The following SEPTIN10 variants were observed in gnomAD, a reference collection of about 807,000 sequenced individuals.
SEPTIN10 encodes septin 10.
In SEPTIN10, 66 loss-of-function variants were observed where a neutral mutation model predicts 54.8. That is an observed-to-expected ratio of 1.21 (90% CI 0.99 to 1.48). The LOEUF (loss-of-function observed/expected upper bound fraction) is 1.48. Among genes scored for constraint, SEPTIN10 ranks in the 40% most tolerant of loss-of-function variants. The pLI is 0.00. For missense variants in SEPTIN10, 620 were observed against 545.6 expected (o/e 1.14, Z -1.36); for synonymous variants, 161 against 181.0 (o/e 0.89, Z 0.89).
At position 109,543,779 on chromosome 2, in the gene SEPTIN10, A is replaced by AAT; in HGVS notation, c.*528_*529dup. On this transcript the variant is annotated 3_prime_UTR_variant, in exon 11 of 11. Transcript: ENST00000397712. ...AACTTAAACATTTCTAACAACAGTG[A>AAT]ATATATATGAATATATAGGTACAAG... 1 of 178,222 alleles carries AAT rather than the reference A, an allele frequency of 5.6e-6. No individual in the cohort carries two copies. Among genetic ancestry groups the AAT allele is most frequent in the Non-Finnish European group, 1.2e-5 (1 of 85,426 alleles). 11.0% of individuals were successfully genotyped at this position (178,222 alleles called of 1,614,324 possible). A position where few individuals can be genotyped will look rare whatever the true frequency, so the allele number is the denominator to read the frequency against.
At chr2:109,563,833 T>G (rs546191081) in intron 8 of SEPTIN10, among the ~76,000 whole-genome samples, 11 of 152,284 alleles carry the variant, frequency 7.2e-5, no homozygotes, top group African/African-American at 2.6e-4. Context: ...TTTAAATGAT[T>G]CCTGAGGACT....
chr2:109,564,625 C>G, intron 7 of SEPTIN10, 91 bp from the exon 8 acceptor site: 1 of 1,118,630 alleles, frequency 8.9e-7, no homozygotes, highest in East Asian at 2.7e-5. Context: ...TAAATGAAAA[C>G]ATGTGAAACA....
intron 5 of SEPTIN10, 32 bp from the exon 6 acceptor site, chr2:109,568,008 TG>T: frequency 6.6e-7 from 1 of 1,515,026 alleles, no homozygotes; most frequent in Admixed American, 2.1e-5. Context: ...AAAATCTTAC[TG>T]AGGATTTTTT....
rs1558788905 is a variant in SEPTIN10 at position 109,574,625 on chromosome 2, G to C, written c.556C>G (p.Leu186Val). The C allele has an allele frequency of 6.2e-7, 1 of 1,604,946 alleles. No homozygotes were observed. The highest frequency in any genetic ancestry group is 8.5e-7 in the Non-Finnish European group (1 of 1,175,852). ...ATGGTTAAGAGATCAAGTGTCTTCA[G>C]AGAGTGGCCTGTCGGTGAAATGAAG... Reference protein sequence around the residue: ...LYFISPTGHSLKTLDLLTMKN... With the variant: ...LYFISPTGHSVKTLDLLTMKN... Residue 186 changes from leucine to valine, a missense_variant, in exon 5 of 11, where the codon CTG becomes GTG. Leu to Val is a conservative substitution (Grantham distance 32). Transcript: ENST00000397712.
At chr2:109,572,609 CTTTTTTTTTT>C (rs60520770) in intron 5 of SEPTIN10, among the ~76,000 whole-genome samples, 1 of 111,222 alleles carries the variant, frequency 9.0e-6, no homozygotes, top group Non-Finnish European at 1.7e-5. Context: ...TTTAAAACAA[CTTTTTTTTTT>C]TTTTTTTTTT....
intron 1 of SEPTIN10, 109 bp downstream of exon 1, chr2:109,613,680 CCGGAGGGGG>C: frequency 3.0e-6 from 2 of 674,484 alleles, no homozygotes; most frequent in Non-Finnish European, 4.1e-6. Flanking sequence ...GCGGGCGGGG[CCGGAGGGGG>C]CGCGGGTCAC....
chr2:109,576,761 TA>T (rs1234417585), intron 4 of SEPTIN10, among the ~76,000 whole-genome samples: 1 of 152,160 alleles, frequency 6.6e-6, no homozygotes, highest in Non-Finnish European at 1.5e-5. Flanking sequence ...GCTAAATAAA[TA>T]ATATGCCATT....
At chr2:109,580,031 G>C (rs1442509573) in intron 4 of SEPTIN10, among the ~76,000 whole-genome samples, 2 of 151,962 alleles carry the variant, frequency 1.3e-5, no homozygotes, top group Non-Finnish European at 2.9e-5. Context: ...TGAGGCAGGA[G>C]AATCGTCTGA....
chr2:109,610,703 G>A (rs1699071318), intron 1 of SEPTIN10, among the ~76,000 whole-genome samples: 1 of 151,972 alleles, frequency 6.6e-6, no homozygotes, highest in Non-Finnish European at 1.5e-5. Flanking sequence ...GTGACAAAGC[G>A]ACATTCCGTC....
chr2:109,556,823 T>C (rs1684480597), intron 8 of SEPTIN10, among the ~76,000 whole-genome samples: 1 of 152,180 alleles, frequency 6.6e-6, no homozygotes, highest in African/African-American at 2.4e-5. Flanking sequence ...ATATACACTG[T>C]GGAATGCTAT....
intron 2 of SEPTIN10, among the ~76,000 whole-genome samples, chr2:109,589,166 G>A (rs779206935): frequency 6.6e-6 from 1 of 151,796 alleles, no homozygotes; most frequent in African/African-American, 2.4e-5. Context: ...TTTTTGAGAT[G>A]GAGTCTCACT....
At chr2:109,555,451 G>A (rs1362776302) in intron 8 of SEPTIN10, among the ~76,000 whole-genome samples, 2 of 152,112 alleles carry the variant, frequency 1.3e-5, no homozygotes, top group Non-Finnish European at 2.9e-5. Context: ...AACTTCTTCT[G>A]TAAAGTCTCC....
intron 4 of SEPTIN10, among the ~76,000 whole-genome samples, chr2:109,582,951 G>T (rs1691577596): frequency 6.6e-6 from 1 of 152,138 alleles, no homozygotes; most frequent in Non-Finnish European, 1.5e-5. Flanking sequence ...TCAATAAATG[G>T]TGCTAGGATA....
intron 6 of SEPTIN10, among the ~76,000 whole-genome samples, chr2:109,567,270 C>T (rs1229357822): frequency 6.6e-6 from 1 of 152,124 alleles, no homozygotes; most frequent in African/African-American, 2.4e-5. Context: ...GATTTCAAAA[C>T]CCATGATCCT....
At chr2:109,585,093 A>C in intron 4 of SEPTIN10, 33 bp downstream of exon 4, 7 of 1,411,312 alleles carry the variant, frequency 5.0e-6, no homozygotes, top group Non-Finnish European at 6.7e-6. Flanking sequence ...GAAATAAGAA[A>C]AACTTGTTTT....
At chr2:109,578,619 T>A (rs1185254081) in intron 4 of SEPTIN10, among the ~76,000 whole-genome samples, 1 of 151,912 alleles carries the variant, frequency 6.6e-6, no homozygotes, top group African/African-American at 2.4e-5. Flanking sequence ...ATACAAAAAT[T>A]AGCTCGGAGT....
At chr2:109,574,843 G>C in intron 4 of SEPTIN10, 76 bp from the exon 5 acceptor site, 2 of 1,061,252 alleles carry the variant, frequency 1.9e-6, no homozygotes, top group East Asian at 2.7e-5. Flanking sequence ...TTAGAAGTTT[G>C]AGGTCTATAT....
chr2:109,567,241 T>C (rs1687247067), intron 6 of SEPTIN10, among the ~76,000 whole-genome samples: 1 of 152,160 alleles, frequency 6.6e-6, no homozygotes. Context: ...AATGGACATA[T>C]GGCCAACCAA....
intron 1 of SEPTIN10, among the ~76,000 whole-genome samples, chr2:109,610,536 G>A (rs1002585898): frequency 6.6e-6 from 1 of 152,136 alleles, no homozygotes; most frequent in Non-Finnish European, 1.5e-5. Context: ...CCAACATGGA[G>A]AAACCCTGTG....
Sources: allele counts gnomAD v4.1 joint callset (sites outside exome capture counted in the v4.1 genomes callset), GRCh38; gene constraint gnomAD v4.1.1; transcripts MANE v1.5; gene names NCBI Gene and HGNC (gene_info 2026-07-23, HGNC 2026-07-21).